KCNH7: variants seen among roughly 807,000 people sequenced by gnomAD.
KCNH7 encodes voltage-gated inwardly rectifying potassium channel KCNH7.
KCNH7 carries 49 observed loss-of-function variants against 120.8 expected under a neutral mutation model. That is an observed-to-expected ratio of 0.41 (90% confidence interval 0.32 to 0.51). The LOEUF is 0.51. KCNH7 is among the 20% of genes least tolerant of loss of function. The probability of loss-of-function intolerance (pLI) is 0.38; values close to 1 mark genes in which losing one functional copy is unlikely to be tolerated. For synonymous variants in KCNH7, 547 were observed against 516.1 expected (o/e 1.06, Z -0.81); for missense variants, 1,097 against 1,446.6 (o/e 0.76, Z 3.92).
chr2:162,553,018 T>C (rs74690572), intron 2 of KCNH7, among the ~76,000 whole-genome samples: 1,575 of 152,294 alleles, frequency 0.01, 37 homozygotes, highest in East Asian at 0.096. Flanking sequence ...TGCTAATTTG[T>C]GGTATTTTAT....
chr2:162,732,530 G>T (rs1687767568), intron 2 of KCNH7, among the ~76,000 whole-genome samples: 1 of 152,092 alleles, frequency 6.6e-6, no homozygotes. Flanking sequence ...GATCTGGTAG[G>T]TAGAACTAAA....
At chr2:162,698,665 T>C (rs1686383400) in intron 2 of KCNH7, among the ~76,000 whole-genome samples, 1 of 152,114 alleles carries the variant, frequency 6.6e-6, no homozygotes, top group Non-Finnish European at 1.5e-5. Context: ...TACATTTACT[T>C]AGAGGAAAAA....
chr2:162,388,133 G>A (rs771245269), intron 12 of KCNH7, among the ~76,000 whole-genome samples: 2 of 151,106 alleles, frequency 1.3e-5, no homozygotes, highest in Non-Finnish European at 3.0e-5. Context: ...AGCTCTAAAG[G>A]GTATTGAAAG....
chr2:162,459,007 AAATAAT>A (rs71009358), intron 6 of KCNH7, among the ~76,000 whole-genome samples: 486 of 134,832 alleles, frequency 3.6e-3, no homozygotes, highest in South Asian at 7.7e-3. Flanking sequence ...TTCTGTTTCA[AAATAAT>A]AATAATAATA....
intron 2 of KCNH7, among the ~76,000 whole-genome samples, chr2:162,664,026 A>G (rs146225883): frequency 1.4e-3 from 212 of 152,256 alleles, no homozygotes; most frequent in Non-Finnish European, 2.2e-3. Flanking sequence ...CCAATGCTAT[A>G]GTCTGCATTC....
chr2:162,480,937 C>T (rs1448621556), intron 6 of KCNH7, among the ~76,000 whole-genome samples: 1 of 152,128 alleles, frequency 6.6e-6, no homozygotes, highest in East Asian at 1.9e-4. Context: ...CTCCCCTATT[C>T]ACTGGGCTTG....
chr2:162,793,136 G>A (rs575827474), intron 2 of KCNH7, among the ~76,000 whole-genome samples: 25 of 152,054 alleles, frequency 1.6e-4, no homozygotes, highest in South Asian at 1.0e-3. Flanking sequence ...ATGAGATCAC[G>A]TACGTTGCAA....
At chr2:162,632,816 G>C (rs564713511) in intron 2 of KCNH7, among the ~76,000 whole-genome samples, 1 of 151,830 alleles carries the variant, frequency 6.6e-6, no homozygotes, top group East Asian at 1.9e-4. Context: ...ATAGTGCTCT[G>C]TACTAACAAA....
At chr2:162,817,768 A>G (rs1245057646) in intron 2 of KCNH7, among the ~76,000 whole-genome samples, 1 of 152,100 alleles carries the variant, frequency 6.6e-6, no homozygotes, top group Non-Finnish European at 1.5e-5. Context: ...GGGTGCTAAT[A>G]GCATCTTAAC....
intron 2 of KCNH7, among the ~76,000 whole-genome samples, chr2:162,622,133 C>T (rs921686177): frequency 2.6e-5 from 4 of 152,176 alleles, no homozygotes; most frequent in Admixed American, 6.6e-5. Flanking sequence ...GAATTAACTG[C>T]CATTCTTATG....
Position 162,435,342 on chromosome 2 carries a change from A to C in KCNH7, c.1810T>G (p.Ser604Ala), listed in dbSNP as rs774858430. ...TCTTTAATGGATGGTCCAGAACTTG[A>C]GTCACTGTCATTGTAACGTTTCCCA... ...QIGKRYNDSD[S>A]SSGPSIKDKY... Residue 604 changes from serine (S) to alanine (A), a missense_variant, in exon 8 of 16, where the codon TCA becomes GCA. Coordinates refer to ENST00000332142, the MANE Select transcript of KCNH7 (RefSeq NM_033272.4). 6.2e-7 allele frequency: 1 copy of C among 1,613,912 alleles called. No homozygotes were observed. The highest frequency in any genetic ancestry group is 8.5e-7 in the Non-Finnish European group (1 of 1,179,866).
At chr2:162,600,739 A>G (rs188895085) in intron 2 of KCNH7, among the ~76,000 whole-genome samples, 14 of 152,258 alleles carry the variant, frequency 9.2e-5, no homozygotes, top group Middle Eastern at 6.8e-3. Context: ...TCAGGGTTAC[A>G]GGCTGTGTCT....
chr2:162,764,672 C>T (rs2035914), intron 2 of KCNH7, among the ~76,000 whole-genome samples: 9,566 of 152,108 alleles, frequency 0.063, 506 homozygotes, highest in African/African-American at 0.15. Context: ...AGCTTAGATA[C>T]AGATGCCTTA....
At chr2:162,410,468 T>C (rs891339048) in intron 9 of KCNH7, among the ~76,000 whole-genome samples, 2 of 151,846 alleles carry the variant, frequency 1.3e-5, no homozygotes, top group African/African-American at 2.4e-5. Flanking sequence ...CTAAAAACAA[T>C]AAAAACTCTA....
chr2:162,567,760 T>C (rs1693309461), intron 2 of KCNH7, among the ~76,000 whole-genome samples: 1 of 152,036 alleles, frequency 6.6e-6, no homozygotes, highest in Non-Finnish European at 1.5e-5. Context: ...AATGTATGTA[T>C]GAAACAATGA....
chr2:162,584,450 A>G (rs34147591), intron 2 of KCNH7, among the ~76,000 whole-genome samples: 48,933 of 152,042 alleles, frequency 0.32, 9,961 homozygotes, highest in Non-Finnish European at 0.46. Context: ...TTGGGATAAT[A>G]TCTCAAACTT....
intron 2 of KCNH7, among the ~76,000 whole-genome samples, chr2:162,630,115 T>C (rs1485463712): frequency 2.0e-5 from 3 of 152,046 alleles, no homozygotes; most frequent in Non-Finnish European, 4.4e-5. Flanking sequence ...CTACAAGACT[T>C]AGGGCCTGGA....
intron 10 of KCNH7, among the ~76,000 whole-genome samples, chr2:162,399,656 T>C (rs1428870366): frequency 6.6e-6 from 1 of 151,920 alleles, no homozygotes; most frequent in Non-Finnish European, 1.5e-5. Context: ...TCATCACTTC[T>C]ATCACTGGTT....
At chr2:162,675,135 G>A (rs1685489718) in intron 2 of KCNH7, among the ~76,000 whole-genome samples, 1 of 151,478 alleles carries the variant, frequency 6.6e-6, no homozygotes, top group South Asian at 2.1e-4. Context: ...GATATATTAT[G>A]TTCTGGTTCT....
Sources: allele counts gnomAD v4.1 joint callset (sites outside exome capture counted in the v4.1 genomes callset), GRCh38; gene constraint gnomAD v4.1.1; transcripts MANE v1.5; gene names NCBI Gene and HGNC (gene_info 2026-07-23, HGNC 2026-07-21).